Variants in ZNF316 observed in about 807,000 individuals in gnomAD.
The protein encoded by ZNF316 is zinc finger protein 316.
In ZNF316, 23 loss-of-function variants were observed where a neutral mutation model predicts 75.6. That is an observed-to-expected ratio of 0.30 (90% CI 0.22 to 0.43). The LOEUF is 0.43. Ranked by LOEUF, ZNF316 falls within the 20% of genes least tolerant of loss-of-function variation. The pLI is 1.00. For synonymous variants in ZNF316, 827 were observed against 666.2 expected, an observed-to-expected ratio of 1.24 and a Z score of -3.72; for missense variants, 1,266 against 1,409.4, an observed-to-expected ratio of 0.90 and a Z score of 1.63.
rs1307565245 is a variant in ZNF316 at position 6,642,709 on chromosome 7, C to T, written c.300C>T (p.Thr100=). Residue 100 remains threonine, a synonymous_variant, in exon 5 of 9, where the codon ACC becomes ACT. Transcript: ENST00000382252. The surrounding 1 kb of genome is among the most constrained non-coding windows in gnomAD (Gnocchi z 8.1). The part of the protein sequence containing the change: ...LAEEECPALG[T]QERLSRGGDA... ...AGGAGGAGTGTCCGGCGTTGGGGACCCAGGAGCGACTTAGCCGTGGTGGTG... is the reference window on the plus strand; with the variant it reads ...AGGAGGAGTGTCCGGCGTTGGGGACTCAGGAGCGACTTAGCCGTGGTGGTG... 17 of 1,233,604 alleles carry T rather than the reference C, an allele frequency of 1.4e-5. No homozygotes were observed. The highest frequency in any genetic ancestry group is 4.7e-5 in the African/African-American group (3 of 64,244). 76.4% of individuals were successfully genotyped at this position (1,233,604 alleles called of 1,614,324 possible). A position where few individuals can be genotyped will look rare whatever the true frequency, so the allele number is the denominator to read the frequency against.
chr7:6,642,844 G>C lies in ZNF316; in HGVS notation c.355+80G>C, dbSNP rs573039341. 9.1e-7 allele frequency: 1 copy of C among 1,098,510 alleles called. No homozygotes were observed. Among genetic ancestry groups the C allele is most frequent in the African/African-American group, 1.6e-5 (1 of 63,206 alleles). The allele number at this position is 1,098,510 out of a possible 1,614,324, so 68.0% of individuals were successfully genotyped here. A position where few individuals can be genotyped will look rare whatever the true frequency, so the allele number is the denominator to read the frequency against. ...GCCAGGGACCTGGTCAAGCCAGGAGGGCTCTTGGGCCGACAGGGTGGAGCT... is the reference window on the plus strand; with the variant it reads ...GCCAGGGACCTGGTCAAGCCAGGAGCGCTCTTGGGCCGACAGGGTGGAGCT... On this transcript the variant is annotated intron_variant, in intron 5 of 8. Transcript: ENST00000382252. The surrounding 1 kb of genome is among the most constrained non-coding windows in gnomAD (Gnocchi z 8.1).
At position 6,655,867 on chromosome 7, in the gene ZNF316, C is replaced by T. The variant is rs1208300900; in HGVS notation, c.*1256C>T. ...GGCCCCTGCCTGGTGGGCATCCTAC[C>T]CTCTGGACTGGGCCCATGGAAGCCA... On this transcript the variant is annotated 3_prime_UTR_variant, in exon 9 of 9. Transcript: ENST00000382252. 6.6e-6 allele frequency: 1 copy of T among 152,348 alleles called. No homozygotes were observed. Among genetic ancestry groups the T allele is most frequent in the Non-Finnish European group, 1.5e-5 (1 of 68,152 alleles). The allele number at this position is 152,348 out of a possible 1,614,324, so 9.4% of individuals were successfully genotyped here.
rs1221586602 is a variant in ZNF316, at chr7:6,642,929, C to G, written c.356-35C>G. ...CTCCTGGCCCTGCAGGCTGGGGGCT[C>G]AGGGCAGCTGGCCCTAAGAGATCTC... is the stretch of plus-strand genomic sequence containing the variant. On this transcript the variant is annotated intron_variant, in intron 5 of 8. Coordinates refer to ENST00000382252, the MANE Select transcript of ZNF316 (RefSeq NM_001278559.2). This position sits in a 1 kb window ranked among gnomAD's most constrained non-coding sequence, Gnocchi z 8.1. The G allele has an allele frequency of 8.1e-7, 1 of 1,232,274 alleles. No individual in the cohort carries two copies. Among genetic ancestry groups the G allele is most frequent in the East Asian group, 3.2e-5 (1 of 31,640 alleles). The allele number at this position is 1,232,274 out of a possible 1,614,324, so 76.3% of individuals were successfully genotyped here.
In ZNF316 at chr7:6,653,888, G is replaced by A. The variant is rs972237400; in HGVS notation, c.2292G>A (p.Ala764=). 313 of 1,105,932 alleles carry A rather than the reference G, an allele frequency of 2.8e-4. 1 individual carries two copies. The Admixed American group carries it at 3.9e-3, about 14-fold the overall frequency. The allele number at this position is 1,105,932 out of a possible 1,614,324, so 68.5% of individuals were successfully genotyped here. A position where few individuals can be genotyped will look rare whatever the true frequency, so the allele number is the denominator to read the frequency against. Reference sequence around the variant, plus strand: ...TCGCCCGCGGCTCGCACTTGGCGGCGCACGTGCGCGGCCACACGGGCGAGA... The same window carrying A: ...TCGCCCGCGGCTCGCACTTGGCGGCACACGTGCGCGGCCACACGGGCGAGA... The part of the protein sequence containing the change: ...ARFARGSHLA[A]HVRGHTGEKP... Residue 764 remains alanine, a synonymous_variant, in exon 9 of 9, where the codon GCG becomes GCA. Coordinates refer to ENST00000382252, the MANE Select transcript of ZNF316 (RefSeq NM_001278559.2).
At chr7:6,643,760 A>T in intron 6 of ZNF316, 62 bp from the exon 7 acceptor site, 1 of 1,230,030 alleles carries the variant, frequency 8.1e-7, no homozygotes, top group Non-Finnish European at 1.0e-6. Context: ...AGTGGCCTCA[A>T]TCTTCCGTGG....
intron 6 of ZNF316, 64 bp from the exon 7 acceptor site, chr7:6,643,758 C>T: frequency 3.3e-6 from 4 of 1,229,420 alleles, no homozygotes; most frequent in Non-Finnish European, 1.0e-6. Flanking sequence ...TCAGTGGCCT[C>T]AATCTTCCGT....
chr7:6,653,379 C>T lies in ZNF316; in HGVS notation c.1783C>T (p.Pro595Ser). 8.2e-7 allele frequency: 1 copy of T among 1,226,640 alleles called. No homozygotes were observed. The highest frequency in any genetic ancestry group is 3.2e-5 in the East Asian group (1 of 31,512). The allele number at this position is 1,226,640 out of a possible 1,614,324, so 76.0% of individuals were successfully genotyped here. ...GGAGGGCGAAGGCCCCTCCTCCCAC[C>T]CGCTGGGCTTCCACTTCCCCGTGCA... ...LGEGEGPSSH[P>S]LGFHFPVHPK... is the part of the protein sequence containing the mutation. The change falls in exon 9 of 9, where the codon CCG (proline) becomes TCG (serine). Residue 595 changes from proline to serine, a missense_variant. Transcript: ENST00000382252.
At chr7:6,650,435 G>A (rs1034657961) in intron 8 of ZNF316, among the ~76,000 whole-genome samples, 6 of 152,202 alleles carry the variant, frequency 3.9e-5, no homozygotes, top group African/African-American at 1.4e-4. Flanking sequence ...GCAGTAACCC[G>A]TTTTCTGACC....
intron 8 of ZNF316, among the ~76,000 whole-genome samples, chr7:6,649,802 A>G (rs1028015665): frequency 3.3e-5 from 5 of 152,164 alleles, no homozygotes; most frequent in African/African-American, 9.7e-5. Context: ...ACAAGTGGCC[A>G]TGCCAGCTCC....
intron 6 of ZNF316, 49 bp from the exon 7 acceptor site, chr7:6,643,773 C>T (rs568445015): frequency 8.1e-7 from 1 of 1,232,168 alleles, no homozygotes. Flanking sequence ...TTCCGTGGCT[C>T]TTTGTAAAGG....
Position 6,652,610 on chromosome 7 carries a change from G to A in ZNF316, c.1014G>A (p.Pro338=). The A allele has an allele frequency of 1.6e-6, 2 of 1,230,394 alleles. No homozygotes were observed. Among genetic ancestry groups the A allele is most frequent in the Non-Finnish European group, 2.0e-6 (2 of 986,992 alleles). 76.2% of individuals were successfully genotyped at this position (1,230,394 alleles called of 1,614,324 possible). The change falls in exon 9 of 9, where the codon CCG becomes CCA. Residue 338 remains proline (P), a synonymous_variant. Transcript: ENST00000382252. The part of the protein sequence containing the change: ...SPWAFPAAVA[P]PAGRPETTCD... ...GGGCGTTCCCCGCCGCAGTGGCCCC[G>A]CCGGCCGGGAGGCCGGAGACCACGT...
Position 6,637,583 on chromosome 7 carries a change from G to A in ZNF316, c.-431+136G>A, listed in dbSNP as rs1337474363. 1 of 148,896 alleles carries A rather than the reference G, an allele frequency of 6.7e-6. No individual in the cohort carries two copies. The highest frequency in any genetic ancestry group is 1.5e-5 in the Non-Finnish European group (1 of 66,638). 9.2% of individuals were successfully genotyped at this position (148,896 alleles called of 1,614,324 possible). On this transcript the variant is annotated intron_variant, in intron 1 of 8. Coordinates refer to ENST00000382252, the MANE Select transcript of ZNF316 (RefSeq NM_001278559.2). The surrounding 1 kb of genome is among the most constrained non-coding windows in gnomAD (Gnocchi z 6.2). ...CCCGGCGCGGGGAGGCCGCGGGGAG[G>A]CGGCGGGGCCGGGGCCTGCAGAGTC... is the stretch of plus-strand genomic sequence containing the variant.
chr7:6,652,403 C>G lies in ZNF316; in HGVS notation c.807C>G (p.Leu269=), dbSNP rs1562583365. The G allele has an allele frequency of 8.1e-7, 1 of 1,232,230 alleles. No individual in the cohort carries two copies. The highest frequency in any genetic ancestry group is 4.1e-5 in the South Asian group (1 of 24,332). 76.3% of individuals were successfully genotyped at this position (1,232,230 alleles called of 1,614,324 possible). Reference sequence around the variant, plus strand: ...AGGAGGAGAACGAGCCCCCAGGGCTCTGGTCGGCGGCCTACGGCGTGGGGG... The same window carrying G: ...AGGAGGAGAACGAGCCCCCAGGGCTGTGGTCGGCGGCCTACGGCGTGGGGG... The part of the protein sequence containing the change: ...VAEEENEPPG[L]WSAAYGVGDV... Residue 269 remains leucine, a synonymous_variant, in exon 9 of 9, where the codon CTC becomes CTG. Transcript: ENST00000382252.
rs1349737433 is a variant in ZNF316, at chr7:6,654,465, G to A, written c.2869G>A (p.Glu957Lys). The A allele has an allele frequency of 2.5e-6, 3 of 1,192,948 alleles. No homozygotes were observed. Among genetic ancestry groups the A allele is most frequent in the East Asian group, 3.6e-5 (1 of 27,758 alleles). The allele number at this position is 1,192,948 out of a possible 1,614,324, so 73.9% of individuals were successfully genotyped here. A position where few individuals can be genotyped will look rare whatever the true frequency, so the allele number is the denominator to read the frequency against. Reference protein sequence around the residue: ...GSAPAPAPKPEAAAKGPSSAG... With the variant: ...GSAPAPAPKPKAAAKGPSSAG... ...GGCCCCAGCCCCCGCGCCCAAGCCC[G>A]AGGCGGCCGCCAAGGGGCCGTCCAG... Residue 957 changes from glutamate to lysine, a missense_variant, in exon 9 of 9, where the codon GAG becomes AAG. Physicochemically the swap from Glu to Lys is moderately conservative, Grantham distance 56. Transcript: ENST00000382252.
chr7:6,638,330 G>C (rs187710537), intron 2 of ZNF316, among the ~76,000 whole-genome samples: 11 of 152,174 alleles, frequency 7.2e-5, no homozygotes, highest in African/African-American at 2.2e-4. Flanking sequence ...AGGACAGACA[G>C]TGAGGACTGT....
intron 8 of ZNF316, among the ~76,000 whole-genome samples, chr7:6,646,169 A>G (rs1049842667): frequency 1.3e-5 from 2 of 152,040 alleles, no homozygotes; most frequent in South Asian, 2.1e-4. Context: ...GAGCTGAACT[A>G]TCATTGAGGC....
chr7:6,648,607 A>G (rs1779450932), intron 8 of ZNF316, among the ~76,000 whole-genome samples: 3 of 152,182 alleles, frequency 2.0e-5, no homozygotes, highest in South Asian at 4.1e-4. Flanking sequence ...AACCCATTTT[A>G]CAGATGGGAA....
At position 6,652,435 on chromosome 7, in the gene ZNF316, C is replaced by G; in HGVS notation, c.839C>G (p.Pro280Arg). Residue 280 changes from proline (P) to arginine (R), a missense_variant, in exon 9 of 9, where the codon CCT becomes CGT. By Grantham distance (103) the Pro-to-Arg change is moderately radical. Transcript: ENST00000382252. ...GCGGCCTACGGCGTGGGGGACGTGCCTGGGACGTGGGGGCCCGACGACTCG... is the reference window on the plus strand; with the variant it reads ...GCGGCCTACGGCGTGGGGGACGTGCGTGGGACGTGGGGGCCCGACGACTCG... ...WSAAYGVGDV[P>R]GTWGPDDSDS... The G allele has an allele frequency of 4.1e-6, 5 of 1,232,132 alleles. No individual in the cohort carries two copies. The highest frequency in any genetic ancestry group is 5.1e-6 in the Non-Finnish European group (5 of 987,952). 76.3% of individuals were successfully genotyped at this position (1,232,132 alleles called of 1,614,324 possible). A position where few individuals can be genotyped will look rare whatever the true frequency, so the allele number is the denominator to read the frequency against.
chr7:6,651,488 C>T (rs1562582933), intron 8 of ZNF316, among the ~76,000 whole-genome samples: 2 of 152,178 alleles, frequency 1.3e-5, no homozygotes. Flanking sequence ...AACTCCATCT[C>T]TACTAAAAAT....
Sources: allele counts gnomAD v4.1 joint callset (sites outside exome capture counted in the v4.1 genomes callset), GRCh38; gene constraint gnomAD v4.1.1; non-coding constraint Gnocchi (gnomAD v3.1); transcripts MANE v1.5; gene names NCBI Gene and HGNC (gene_info 2026-07-23, HGNC 2026-07-21).